The following NEK10 variants were observed in gnomAD, a reference collection of about 807,000 sequenced individuals.
NEK10 encodes serine/threonine-protein kinase Nek10.
A neutral mutation model predicts 159.8 loss-of-function variants in NEK10; 122 were observed. That is an observed-to-expected ratio of 0.76 (90% CI 0.66 to 0.89). The LOEUF (loss-of-function observed/expected upper bound fraction) is 0.89. Ranked by LOEUF, NEK10 falls within the 40% of genes least tolerant of loss-of-function variation. NEK10 has a pLI of 0.00. For missense variants in NEK10, 1,342 were observed against 1,323.1 expected (o/e 1.01, Z -0.22); for synonymous variants, 466 against 457.1 (o/e 1.02, Z -0.25).
At position 27,234,367 on chromosome 3, in the gene NEK10, A is replaced by C. The variant is rs560224479; in HGVS notation, c.2090+21929T>G. ...CATGATCCTATATCAAGAAAACCCC[A>C]TTGTCTCATCCCAAAAATTTCTTAA... On this transcript the variant is annotated intron_variant, in intron 23 of 35. Transcript: ENST00000691995. 1.6e-3 allele frequency among the ~76,000 whole-genome samples: 249 copies of C among 152,254 alleles called. 3 individuals carry two copies. Among genetic ancestry groups the C allele is most frequent in the Admixed American group, 4.0e-3 (61 of 15,290 alleles).
At chr3:27,153,621 T>G (rs536600622) in intron 30 of NEK10, among the ~76,000 whole-genome samples, 1 of 152,230 alleles carries the variant, frequency 6.6e-6, no homozygotes, top group East Asian at 1.9e-4. Context: ...TAGACCACAG[T>G]GGACTAAAAG....
chr3:27,229,629 G>A (rs1186017190), intron 23 of NEK10, among the ~76,000 whole-genome samples: 1 of 151,928 alleles, frequency 6.6e-6, no homozygotes, highest in African/African-American at 2.4e-5. Context: ...TTTAATCTAG[G>A]AAATGAATAA....
Position 27,352,366 on chromosome 3 carries a change from G to A in NEK10, c.132+99C>T, listed in dbSNP as rs550982884. 2.0e-4 allele frequency: 157 copies of A among 796,940 alleles called. No homozygotes were observed. In the East Asian group the frequency reaches 3.7e-3, roughly 19 times the overall value. The allele number at this position is 796,940 out of a possible 1,614,324, so 49.4% of individuals were successfully genotyped here. On this transcript the variant is annotated intron_variant, in intron 3 of 35. Transcript: ENST00000691995. ...AGCAAAGATGTGAATAATGAGCAAA[G>A]AAAAGCAGACATATCATTCATAGAT... is the stretch of plus-strand genomic sequence containing the variant.
intron 22 of NEK10, among the ~76,000 whole-genome samples, chr3:27,276,504 G>A (rs1194046179): frequency 1.3e-5 from 2 of 152,166 alleles, no homozygotes; most frequent in Non-Finnish European, 2.9e-5. Context: ...AAGGAGCAAG[G>A]AGGAGATTAC....
At chr3:27,156,019 C>T (rs1240297521) in intron 30 of NEK10, among the ~76,000 whole-genome samples, 1 of 151,992 alleles carries the variant, frequency 6.6e-6, no homozygotes, top group African/African-American at 2.4e-5. Flanking sequence ...ACAAAGCAAA[C>T]AAAAACATAA....
intron 19 of NEK10, among the ~76,000 whole-genome samples, chr3:27,289,131 A>G (rs1039702287): frequency 6.6e-6 from 1 of 152,216 alleles, no homozygotes; most frequent in Non-Finnish European, 1.5e-5. Flanking sequence ...ACAGTGCACT[A>G]GAAGGTAACA....
In NEK10 at chr3:27,304,752, T is replaced by A; in HGVS notation, c.1023A>T (p.Leu341Phe). 1 of 1,610,302 alleles carries A rather than the reference T, an allele frequency of 6.2e-7. No homozygotes were observed. Among genetic ancestry groups the A allele is most frequent in the Non-Finnish European group, 8.5e-7 (1 of 1,176,652 alleles). The change falls in exon 12 of 36, where the codon TTA (leucine) becomes TTT (phenylalanine). Residue 341 changes from leucine (L) to phenylalanine (F), a missense_variant. Leu to Phe is a conservative substitution (Grantham distance 22, BLOSUM62 0). Coordinates refer to ENST00000691995, the MANE Select transcript of NEK10 (RefSeq NM_001394966.1). ...CAAAGCCCACTTTTACTCACCCTTG[T>A]AAAATATGAAGAAGCTGTTTGATGC... is the stretch of plus-strand genomic sequence containing the variant. Reference protein sequence around the residue: ...WGGIKQLLHILQGDRNFVSDH... With the variant: ...WGGIKQLLHIFQGDRNFVSDH...
chr3:27,229,490 G>A (rs1049373721), intron 23 of NEK10, among the ~76,000 whole-genome samples: 2 of 152,074 alleles, frequency 1.3e-5, no homozygotes, highest in African/African-American at 4.8e-5. Context: ...AAGATCACAC[G>A]AGTTCCACAT....
intron 3 of NEK10, among the ~76,000 whole-genome samples, chr3:27,350,120 C>T (rs1207439895): frequency 6.6e-6 from 1 of 152,196 alleles, no homozygotes; most frequent in African/African-American, 2.4e-5. Context: ...AAACAGGCCA[C>T]AACTTGTTAG....
At chr3:27,239,374 G>T (rs1047495260) in intron 23 of NEK10, among the ~76,000 whole-genome samples, 21 of 152,200 alleles carry the variant, frequency 1.4e-4, no homozygotes, top group African/African-American at 4.8e-4. Flanking sequence ...AAATTGGCTG[G>T]AGCCCAATGG....
At chr3:27,326,834 G>A (rs1313863374) in intron 5 of NEK10, among the ~76,000 whole-genome samples, 1 of 152,194 alleles carries the variant, frequency 6.6e-6, no homozygotes. Context: ...AAGAGCAGTT[G>A]TTCCTTCCTT....
intron 23 of NEK10, among the ~76,000 whole-genome samples, chr3:27,224,241 C>T (rs1199478936): frequency 6.6e-6 from 1 of 152,232 alleles, no homozygotes; most frequent in Non-Finnish European, 1.5e-5. Context: ...GTTCAATGGA[C>T]AGTCCCATTT....
At chr3:27,231,407 A>T (rs911955282) in intron 23 of NEK10, among the ~76,000 whole-genome samples, 16 of 152,178 alleles carry the variant, frequency 1.1e-4, no homozygotes, top group African/African-American at 3.6e-4. Context: ...GAAAGAGCAC[A>T]AATTGATAAT....
At chr3:27,117,074 G>A (rs1012614403) in intron 33 of NEK10, among the ~76,000 whole-genome samples, 4 of 152,094 alleles carry the variant, frequency 2.6e-5, no homozygotes, top group African/African-American at 9.7e-5. Flanking sequence ...GAGGACATTT[G>A]TTGTTTGGTT....
At position 27,153,235 on chromosome 3, in the gene NEK10, G is replaced by A. The variant is rs140879905; in HGVS notation, c.2869+9466C>T. On this transcript the variant is annotated intron_variant, in intron 30 of 35. Transcript: ENST00000691995. ...CTCGGGAGGCTGAGGCAGAAGAATGGCGTGAACCTGGGAGGCGAAGCTTGC... is the reference window on the plus strand; with the variant it reads ...CTCGGGAGGCTGAGGCAGAAGAATGACGTGAACCTGGGAGGCGAAGCTTGC... Among the ~76,000 whole-genome samples the A allele has an allele frequency of 4.3e-3, 654 of 151,816 alleles. 2 individuals are homozygous for A. Among genetic ancestry groups the A allele is most frequent in the African/African-American group, 0.015 (634 of 41,364 alleles).
At chr3:27,265,591 C>T (rs192693802) in intron 22 of NEK10, 2 of 152,236 alleles carry the variant, frequency 1.3e-5, no homozygotes, top group Admixed American at 1.3e-4. Context: ...AAGAAATGGA[C>T]CACTTCATGC....
intron 6 of NEK10, 91 bp from the exon 7 acceptor site, chr3:27,314,429 A>G: frequency 1.3e-6 from 1 of 779,662 alleles, no homozygotes; most frequent in Non-Finnish European, 2.2e-6. Context: ...AAGTTGTCAT[A>G]TTTATAATTA....
Position 27,108,412 on chromosome 3 carries a change from A to G in NEK10, c.*2860T>C, listed in dbSNP as rs945497252. On this transcript the variant is annotated 3_prime_UTR_variant, in exon 36 of 36. Transcript: ENST00000691995. ...ACAAGCAAGCAAATATTCCTGCTGCAGTCACTTCCCTGAGAATGAAACATT... is the reference window on the plus strand; with the variant it reads ...ACAAGCAAGCAAATATTCCTGCTGCGGTCACTTCCCTGAGAATGAAACATT... Among the ~76,000 whole-genome samples the G allele has an allele frequency of 6.6e-6, 1 of 152,240 alleles. No homozygotes were observed. Among genetic ancestry groups the G allele is most frequent in the Non-Finnish European group, 1.5e-5 (1 of 68,040 alleles).
chr3:27,347,431 G>A (rs943025005), intron 3 of NEK10, among the ~76,000 whole-genome samples: 1 of 140,164 alleles, frequency 7.1e-6, no homozygotes, highest in Non-Finnish European at 1.5e-5. Context: ...GAACTCAGGA[G>A]GCAGAGGTTG....
Sources: gnomAD v4.1 joint callset for allele counts (sites outside exome capture counted in the v4.1 genomes callset) on GRCh38, gnomAD v4.1.1 for gene constraint, MANE v1.5 for transcripts, NCBI Gene and HGNC (gene_info 2026-07-23, HGNC 2026-07-21) for gene names.